Variants in MMP24 observed in about 807,000 individuals in gnomAD.
The protein encoded by MMP24 is matrix metallopeptidase 24, also known as matrix metalloproteinase-24.
In MMP24, 25 loss-of-function variants were observed where a neutral mutation model predicts 62.8. The observed-to-expected ratio is 0.40, with a 90% CI of 0.29 to 0.56. The LOEUF (loss-of-function observed/expected upper bound fraction) is 0.56, where lower values mean the gene tolerates loss of function less well. Among genes scored for constraint, MMP24 ranks in the 20% least tolerant of loss-of-function variants. MMP24 has a pLI of 0.50. For missense variants in MMP24, 634 were observed against 853.6 expected (o/e 0.74, Z 3.21); for synonymous variants, 319 against 350.5 (o/e 0.91, Z 1.00).
At chr20:35,233,856 G>A (rs2060449326) in intron 1 of MMP24, among the ~76,000 whole-genome samples, 2 of 152,058 alleles carry the variant, frequency 1.3e-5, no homozygotes, top group African/African-American at 4.8e-5. Flanking sequence ...GTGGTGGCAT[G>A]TGCCTGTAGT....
Position 35,251,898 on chromosome 20 carries a change from T to C in MMP24, c.396-7T>C. On this transcript the variant is annotated splice_polypyrimidine_tract_variant and splice_region_variant and intron_variant, in intron 2 of 8. Transcript: ENST00000246186. ...TATGCGTGTGTGTGTGTCCTCTCTC[T>C]GCCCAGGTGGATGAAGAAACCCCGA... 6.2e-7 allele frequency: 1 copy of C among 1,610,456 alleles called. No homozygotes were observed. The highest frequency in any genetic ancestry group is 8.5e-7 in the Non-Finnish European group (1 of 1,176,692).
chr20:35,254,937 T>C (rs945632033), intron 4 of MMP24, among the ~76,000 whole-genome samples, 183 bp downstream of exon 4: 2 of 152,098 alleles, frequency 1.3e-5, no homozygotes, highest in Non-Finnish European at 1.5e-5. Flanking sequence ...GCCAGGGCCA[T>C]GGAGATGAGT....
intron 4 of MMP24, among the ~76,000 whole-genome samples, chr20:35,256,714 CAAAAAAAAAAAAAAA>C (rs74173944): frequency 1.8e-4 from 7 of 39,720 alleles, no homozygotes; most frequent in East Asian, 1.4e-3. Flanking sequence ...GATTCCGTCT[CAAAAAAAAAAAAAAA>C]AAAAAAAAAA....
chr20:35,231,220 A>G (rs1356335955), intron 1 of MMP24, among the ~76,000 whole-genome samples: 1 of 152,250 alleles, frequency 6.6e-6, no homozygotes, highest in East Asian at 1.9e-4. Flanking sequence ...AATAAGTAAC[A>G]GAGTGTGACT....
At chr20:35,268,696 G>A (rs535815718) in intron 6 of MMP24, among the ~76,000 whole-genome samples, 2 of 152,288 alleles carry the variant, frequency 1.3e-5, no homozygotes, top group South Asian at 4.1e-4. Flanking sequence ...TCATAGGCAG[G>A]TCCGGGTTTT....
intron 4 of MMP24, among the ~76,000 whole-genome samples, chr20:35,259,251 A>C (rs919815834): frequency 6.6e-6 from 1 of 152,228 alleles, no homozygotes; most frequent in Admixed American, 6.5e-5. Flanking sequence ...TGGCAGAGCC[A>C]GGTGTGACCC....
At chr20:35,258,198 G>C (rs2060584533) in intron 4 of MMP24, among the ~76,000 whole-genome samples, 1 of 152,002 alleles carries the variant, frequency 6.6e-6, no homozygotes, top group African/African-American at 2.4e-5. Context: ...GAAAATCTCA[G>C]GCATTCTAAC....
chr20:35,270,857 T>C (rs557222749), intron 7 of MMP24, among the ~76,000 whole-genome samples: 2 of 152,294 alleles, frequency 1.3e-5, no homozygotes, highest in African/African-American at 4.8e-5. Context: ...CTGACCAACA[T>C]GGTGAAACCA....
intron 1 of MMP24, among the ~76,000 whole-genome samples, chr20:35,243,691 G>A (rs916058166): frequency 2.6e-5 from 4 of 152,122 alleles, no homozygotes; most frequent in Admixed American, 2.0e-4. Context: ...TATAATAGGG[G>A]ATTTGGGGAG....
At chr20:35,231,522 T>A (rs913834909) in intron 1 of MMP24, among the ~76,000 whole-genome samples, 5 of 152,230 alleles carry the variant, frequency 3.3e-5, no homozygotes, top group Non-Finnish European at 5.9e-5. Flanking sequence ...ACTGTATTTT[T>A]AATTCATTTT....
Position 35,271,289 on chromosome 20 carries a change from T to C in MMP24, c.1334-280T>C, listed in dbSNP as rs2060667702. 6.6e-6 allele frequency among the ~76,000 whole-genome samples: 1 copy of C among 151,914 alleles called. No homozygotes were observed. The highest frequency in any genetic ancestry group is 1.5e-5 in the Non-Finnish European group (1 of 67,970). On this transcript the variant is annotated intron_variant, in intron 7 of 8. Transcript: ENST00000246186. The surrounding 1 kb of genome is among the most constrained non-coding windows in gnomAD (Gnocchi z 4.0). The stretch of plus-strand genomic sequence containing the variant: ...GAGTCGGGTGTCACTGGTAGCAGGT[T>C]TGGGGAGTGGTAGTGCATATGCAAA...
chr20:35,269,970 GA>G lies in MMP24; in HGVS notation c.1333+74del, dbSNP rs1336952225. 1 of 1,529,418 alleles carries G rather than the reference GA, an allele frequency of 6.5e-7. No homozygotes were observed. Among genetic ancestry groups the G allele is most frequent in the African/African-American group, 1.4e-5 (1 of 72,590 alleles). 94.7% of individuals were successfully genotyped at this position (1,529,418 alleles called of 1,614,324 possible). A position where few individuals can be genotyped will look rare whatever the true frequency, so the allele number is the denominator to read the frequency against. On this transcript the variant is annotated intron_variant, in intron 7 of 8. Coordinates refer to ENST00000246186, the MANE Select transcript of MMP24 (RefSeq NM_006690.4). The surrounding 1 kb of genome is among the most constrained non-coding windows in gnomAD (Gnocchi z 4.6). ...GACCTCCTTTTTCCCATCTAAACTG[GA>G]AGAGGCGGGGTGGGAGGCAGATGTC...
At chr20:35,252,291 T>C (rs961374396) in intron 3 of MMP24, among the ~76,000 whole-genome samples, 2 of 152,180 alleles carry the variant, frequency 1.3e-5, no homozygotes, top group African/African-American at 2.4e-5. Context: ...ATGCCTATAG[T>C]TTTTAGGTTA....
intron 4 of MMP24, 114 bp downstream of exon 4, chr20:35,254,868 A>G: frequency 8.5e-7 from 1 of 1,183,064 alleles, no homozygotes. Context: ...CCAAGAACTA[A>G]GACCGTAAGA....
intron 5 of MMP24, 178 bp downstream of exon 5, chr20:35,264,130 C>A: frequency 1.5e-6 from 1 of 652,588 alleles, no homozygotes; most frequent in Non-Finnish European, 2.4e-6. Flanking sequence ...GGCAAGGCTT[C>A]CCCTGGCACA....
Position 35,274,562 on chromosome 20 carries a change from C to T in MMP24, c.1891C>T (p.Pro631Ser). Residue 631 changes from proline (P) to serine (S), a missense_variant, in exon 9 of 9, where the codon CCT (proline) becomes TCT (serine). Around this residue, in one of 3 missense-constraint regions of MMP24, gnomAD observed 399 missense variants for 530.8 expected, o/e 0.75. Coordinates refer to ENST00000246186, the MANE Select transcript of MMP24 (RefSeq NM_006690.4). The surrounding 1 kb of genome is among the most constrained non-coding windows in gnomAD (Gnocchi z 5.1). ...CTTCCAGTTCAAGAACAAGACAGGC[C>T]CTCAGCCTGTCACCTACTATAAGCG... ...TIFQFKNKTGPQPVTYYKRPV... is the reference protein window; with the variant it reads ...TIFQFKNKTGSQPVTYYKRPV... The T allele has an allele frequency of 6.2e-7, 1 of 1,613,938 alleles. No homozygotes were observed.
intron 5 of MMP24, 43 bp from the exon 6 acceptor site, chr20:35,267,162 G>C: frequency 6.7e-7 from 1 of 1,490,352 alleles, no homozygotes. Context: ...ATGGGAGGCG[G>C]GAAACGGCTG....
chr20:35,234,777 C>G (rs1015111019), intron 1 of MMP24, among the ~76,000 whole-genome samples: 4 of 152,202 alleles, frequency 2.6e-5, no homozygotes, highest in Non-Finnish European at 5.9e-5. Context: ...CATGGTGGCT[C>G]ATGCCTGTAA....
intron 2 of MMP24, among the ~76,000 whole-genome samples, chr20:35,249,588 AT>A (rs2060533738): frequency 6.7e-6 from 1 of 150,158 alleles, no homozygotes; most frequent in Non-Finnish European, 1.5e-5. Flanking sequence ...GGGAATAATA[AT>A]TTCTTTTTTT....
Sources: gnomAD v4.1 joint callset for allele counts (sites outside exome capture counted in the v4.1 genomes callset) on GRCh38, gnomAD v4.1.1 for gene constraint, gnomAD v4.1.1 regional missense constraint, Gnocchi (gnomAD v3.1) non-coding constraint, MANE v1.5 for transcripts, NCBI Gene and HGNC (gene_info 2026-07-23, HGNC 2026-07-21) for gene names.